The following CADM2 variants were observed in gnomAD, a reference collection of about 807,000 sequenced individuals.
The protein encoded by CADM2 is immunoglobulin superfamily member 4D.
A neutral mutation model predicts 49.8 loss-of-function variants in CADM2; 12 were observed. That is an observed-to-expected ratio of 0.24 (90% CI 0.15 to 0.39). The LOEUF (loss-of-function observed/expected upper bound fraction) is 0.39. CADM2 is among the 10% of genes least tolerant of loss of function. The pLI is 1.00. For missense variants in CADM2, 378 were observed against 492.3 expected (o/e 0.77, Z 2.20); for synonymous variants, 214 against 175.4 (o/e 1.22, Z -1.74).
At chr3:86,057,754 A>T (rs922102725) in intron 8 of CADM2, among the ~76,000 whole-genome samples, 1 of 152,160 alleles carries the variant, frequency 6.6e-6, no homozygotes, top group African/African-American at 2.4e-5. Flanking sequence ...GAGGGAAAGA[A>T]GTATGTCTTA....
At chr3:85,466,793 C>A (rs2038514282) in intron 1 of CADM2, among the ~76,000 whole-genome samples, 1 of 151,732 alleles carries the variant, frequency 6.6e-6, no homozygotes, top group African/African-American at 2.4e-5. Context: ...AGTTTCCCCC[C>A]ATTGGATAGT....
chr3:85,779,663 C>T (rs1577294245), intron 2 of CADM2, among the ~76,000 whole-genome samples: 2 of 152,224 alleles, frequency 1.3e-5, no homozygotes, highest in South Asian at 2.1e-4. Context: ...TCCCACAATA[C>T]GTGGGGATTA....
In CADM2 at chr3:85,700,390, C is replaced by T. The variant is rs913029276; in HGVS notation, c.62-26132C>T. ...TAGGAGAAATACCTAATGTAGGTGA[C>T]GGGTTGATGGGTGCAGCAAACCACC... On this transcript the variant is annotated intron_variant, in intron 1 of 9. Coordinates refer to ENST00000383699, the MANE Select transcript of CADM2 (RefSeq NM_001167675.2). Among the ~76,000 whole-genome samples, 17 of 152,100 alleles carry T rather than the reference C, an allele frequency of 1.1e-4. 1 individual carries two copies. The highest frequency in any genetic ancestry group is 6.2e-4 in the South Asian group (3 of 4,820).
intron 7 of CADM2, among the ~76,000 whole-genome samples, chr3:85,946,180 T>C (rs1043160113): frequency 2.0e-5 from 3 of 152,008 alleles, no homozygotes; most frequent in Admixed American, 2.0e-4. Flanking sequence ...CCATTCACAA[T>C]TGCTTCAAAA....
intron 1 of CADM2, among the ~76,000 whole-genome samples, chr3:85,068,050 T>G (rs913379851): frequency 6.6e-6 from 1 of 152,168 alleles, no homozygotes; most frequent in African/African-American, 2.4e-5. Flanking sequence ...GAAAAACATA[T>G]GGAAGCTCAA....
chr3:84,975,384 AT>A (rs548117882), intron 1 of CADM2, among the ~76,000 whole-genome samples: 3 of 151,480 alleles, frequency 2.0e-5, no homozygotes, highest in African/African-American at 2.4e-5. Context: ...AAGGGATTGC[AT>A]TTTTTTTCAT....
chr3:86,014,885 C>T lies in CADM2; in HGVS notation c.971-50720C>T, dbSNP rs1361852521. The T allele has an allele frequency of 2.6e-6, 4 of 1,545,006 alleles. No homozygotes were observed. The African/African-American group carries it at 5.5e-5, about 21-fold the overall frequency. On this transcript the variant is annotated intron_variant, in intron 8 of 9. Coordinates refer to ENST00000383699, the MANE Select transcript of CADM2 (RefSeq NM_001167675.2). ...CTAATGTGTATGCATTGATGAAGGTCCTGTGTATTCTTCCTGTGATGACGG... is the reference window on the plus strand; with the variant it reads ...CTAATGTGTATGCATTGATGAAGGTTCTGTGTATTCTTCCTGTGATGACGG...
At chr3:85,873,628 T>C (rs1404861819) in intron 3 of CADM2, among the ~76,000 whole-genome samples, 1 of 152,114 alleles carries the variant, frequency 6.6e-6, no homozygotes. Flanking sequence ...ATTGTGCCAC[T>C]GCACTCCAGC....
chr3:85,735,173 TAA>T (rs2068086090), intron 2 of CADM2, among the ~76,000 whole-genome samples: 1 of 152,008 alleles, frequency 6.6e-6, no homozygotes, highest in Non-Finnish European at 1.5e-5. Flanking sequence ...TTATGAAGAA[TAA>T]AGTGGAAGAA....
intron 8 of CADM2, among the ~76,000 whole-genome samples, chr3:86,023,985 C>T (rs1208030065): frequency 6.6e-6 from 1 of 152,154 alleles, no homozygotes; most frequent in East Asian, 1.9e-4. Context: ...GTCCATGCTC[C>T]CATTTCAATC....
intron 3 of CADM2, among the ~76,000 whole-genome samples, chr3:85,808,107 T>A (rs1225252333): frequency 2.6e-5 from 4 of 152,180 alleles, no homozygotes; most frequent in Non-Finnish European, 5.9e-5. Flanking sequence ...ATCATTAGCC[T>A]ACAAAGTCGA....
intron 3 of CADM2, among the ~76,000 whole-genome samples, chr3:85,859,252 A>C (rs1312307870): frequency 4.9e-5 from 1 of 20,598 alleles, no homozygotes; most frequent in Non-Finnish European, 8.1e-5. Context: ...TTTTTTTTTG[A>C]GACGGAGTCT....
intron 1 of CADM2, among the ~76,000 whole-genome samples, chr3:85,514,098 T>A (rs546461030): frequency 6.6e-6 from 1 of 152,172 alleles, no homozygotes; most frequent in East Asian, 1.9e-4. Flanking sequence ...TGCCAGGGCA[T>A]CTAGAGTCAT....
At chr3:85,621,976 A>G (rs1201203833) in intron 1 of CADM2, among the ~76,000 whole-genome samples, 1 of 152,230 alleles carries the variant, frequency 6.6e-6, no homozygotes, top group Admixed American at 6.6e-5. Context: ...GTTCAGTTTT[A>G]CAAAATAAAA....
At chr3:85,457,611 T>G (rs1252589159) in intron 1 of CADM2, among the ~76,000 whole-genome samples, 1 of 152,134 alleles carries the variant, frequency 6.6e-6, no homozygotes, top group Non-Finnish European at 1.5e-5. Context: ...AAATTGATAG[T>G]AAATATATTA....
At chr3:85,482,378 A>C (rs1057212729) in intron 1 of CADM2, among the ~76,000 whole-genome samples, 2 of 151,828 alleles carry the variant, frequency 1.3e-5, no homozygotes, top group Non-Finnish European at 2.9e-5. Flanking sequence ...AGAGTTTGTC[A>C]GAGACTTTTA....
chr3:85,955,973 GA>G (rs1196905163), intron 7 of CADM2, among the ~76,000 whole-genome samples: 2 of 151,554 alleles, frequency 1.3e-5, no homozygotes, highest in African/African-American at 4.8e-5. Context: ...TAGATATAAG[GA>G]AAAATAAACA....
At chr3:85,504,535 T>C (rs540960820) in intron 1 of CADM2, among the ~76,000 whole-genome samples, 56 of 152,320 alleles carry the variant, frequency 3.7e-4, no homozygotes, top group African/African-American at 9.9e-4. Context: ...AGGGCGCTGA[T>C]TGGTGCATTT....
chr3:84,966,457 T>G (rs2030988578), intron 1 of CADM2, among the ~76,000 whole-genome samples: 1 of 152,064 alleles, frequency 6.6e-6, no homozygotes, highest in Non-Finnish European at 1.5e-5. Flanking sequence ...CTCTTTCAAT[T>G]AAGGTTAAGA....
Sources: gnomAD v4.1 joint callset for allele counts (sites outside exome capture counted in the v4.1 genomes callset) on GRCh38, gnomAD v4.1.1 for gene constraint, MANE v1.5 for transcripts, NCBI Gene and HGNC (gene_info 2026-07-23, HGNC 2026-07-21) for gene names.